The following LARP4B variants were observed in gnomAD, a reference collection of about 807,000 sequenced individuals.
The protein encoded by LARP4B is La ribonucleoprotein 4B, also known as la-related protein 4B.
LARP4B carries 12 observed loss-of-function variants against 89.8 expected under a neutral mutation model. The ratio of observed to expected loss-of-function variants is 0.13; its 90% confidence interval spans 0.09 to 0.22. The LOEUF (loss-of-function observed/expected upper bound fraction) is 0.22, where lower values mean the gene tolerates loss of function less well. Ranked by LOEUF, LARP4B falls within the 10% of genes least tolerant of loss-of-function variation. The pLI is 1.00. For missense variants in LARP4B, 757 were observed against 947.7 expected (o/e 0.80, Z 2.64); for synonymous variants, 367 against 363.3 (o/e 1.01, Z -0.12).
chr10:896,988 A>T (rs1425177278), intron 1 of LARP4B, among the ~76,000 whole-genome samples: 1 of 137,444 alleles, frequency 7.3e-6, no homozygotes, highest in Non-Finnish European at 1.6e-5. Flanking sequence ...TTGTGGGAGA[A>T]TTTTTTTTTT....
At chr10:911,773 C>T (rs1564443074) in intron 1 of LARP4B, among the ~76,000 whole-genome samples, 1 of 152,108 alleles carries the variant, frequency 6.6e-6, no homozygotes, top group Non-Finnish European at 1.5e-5. Context: ...TTTTGCATTG[C>T]GCTGTCCAAT....
rs1831776530 is a variant in LARP4B at position 812,358 on chromosome 10, ACATTC to A, written c.*563_*567del. 6.6e-6 allele frequency: 1 copy of A among 152,536 alleles called. No individual in the cohort carries two copies. Among genetic ancestry groups the A allele is most frequent in the South Asian group, 2.1e-4 (1 of 4,834 alleles). The allele number at this position is 152,536 out of a possible 1,614,324, so 9.4% of individuals were successfully genotyped here. ...GGAGATCAAAAAGGATGCGCTCTCT[ACATTC>A]TTAAATGCCACAGTCCCCTACCAAC... On this transcript the variant is annotated 3_prime_UTR_variant, in exon 18 of 18. Coordinates refer to ENST00000316157, the MANE Select transcript of LARP4B (RefSeq NM_015155.3).
the LARP4B span, among the ~76,000 whole-genome samples, chr10:967,848 G>T: frequency 6.6e-6 from 1 of 152,182 alleles, no homozygotes; most frequent in African/African-American, 2.4e-5. Flanking sequence ...TTACAGGCGT[G>T]TGCCACCATG....
rs529963345 is a variant in LARP4B, at chr10:900,420, C to CTTTTTTTTTTT, written c.-39-14671_-39-14661dup. On this transcript the variant is annotated intron_variant, in intron 1 of 17. Coordinates refer to ENST00000316157, the MANE Select transcript of LARP4B (RefSeq NM_015155.3). ...ATTCTAGGATCGGAAAGAAGGATGTCTTTTTTTTTTTTTTTTTTTTTTTTT... is the reference window on the plus strand; with the variant it reads ...ATTCTAGGATCGGAAAGAAGGATGTCTTTTTTTTTTTTTTTTTTTTTTTTTTTTTTTTTTTT... 5.8e-3 allele frequency among the ~76,000 whole-genome samples: 264 copies of CTTTTTTTTTTT among 45,244 alleles called. 89 individuals carry two copies. Among genetic ancestry groups the CTTTTTTTTTTT allele is most frequent in the African/African-American group, 8.1e-3 (94 of 11,568 alleles). 29.7% of individuals were successfully genotyped at this position (45,244 alleles called of 152,430 possible).
intron 5 of LARP4B, among the ~76,000 whole-genome samples, chr10:863,225 C>CT (rs1564414569): frequency 1.4e-5 from 2 of 146,670 alleles, no homozygotes. Context: ...AAATAGGTTT[C>CT]ATTTTTTTTT....
chr10:827,103 G>A (rs1249923600), intron 11 of LARP4B, among the ~76,000 whole-genome samples: 8 of 152,052 alleles, frequency 5.3e-5, no homozygotes, highest in East Asian at 1.9e-4. Flanking sequence ...GTGAAACCCC[G>A]TCTCTACTAA....
chr10:910,271 G>C (rs1384821308), intron 1 of LARP4B, among the ~76,000 whole-genome samples: 1 of 152,176 alleles, frequency 6.6e-6, no homozygotes, highest in Non-Finnish European at 1.5e-5. Flanking sequence ...TATACTCAGA[G>C]CAACCTGAAT....
intron 1 of LARP4B, among the ~76,000 whole-genome samples, chr10:924,810 T>A (rs138098005): frequency 5.3e-5 from 8 of 152,376 alleles, no homozygotes; most frequent in African/African-American, 1.7e-4. Context: ...ATTGTCCACC[T>A]GTCTCAATGG....
the LARP4B span, among the ~76,000 whole-genome samples, chr10:977,817 T>C: frequency 6.6e-6 from 1 of 152,148 alleles, no homozygotes; most frequent in African/African-American, 2.4e-5. Flanking sequence ...GATTTGGGTG[T>C]CCACAGGGAT....
At chr10:902,130 T>C (rs1337904054) in intron 1 of LARP4B, among the ~76,000 whole-genome samples, 1 of 152,178 alleles carries the variant, frequency 6.6e-6, no homozygotes, top group African/African-American at 2.4e-5. Context: ...GGATTCTTAC[T>C]AAAACATAAT....
the LARP4B span, among the ~76,000 whole-genome samples, chr10:938,401 A>C: frequency 1.4e-4 from 21 of 151,900 alleles, no homozygotes; most frequent in African/African-American, 4.1e-4. Flanking sequence ...CAGGTGCCCA[A>C]CACCACGCCC....
chr10:857,579 C>T (rs913581917), intron 5 of LARP4B, among the ~76,000 whole-genome samples: 1 of 152,162 alleles, frequency 6.6e-6, no homozygotes, highest in South Asian at 2.1e-4. Context: ...CGGATCAGGT[C>T]GGGTGGCCGG....
intron 1 of LARP4B, among the ~76,000 whole-genome samples, chr10:919,018 T>C (rs547677873): frequency 6.6e-6 from 1 of 151,356 alleles, no homozygotes; most frequent in African/African-American, 2.4e-5. Flanking sequence ...GAGGCGGAGT[T>C]TGCAGTGAGC....
chr10:901,170 C>T (rs1836334272), intron 1 of LARP4B, among the ~76,000 whole-genome samples: 1 of 152,124 alleles, frequency 6.6e-6, no homozygotes, highest in African/African-American at 2.4e-5. Context: ...CCGCCTCGGC[C>T]TCCCAAAGTG....
chr10:908,027 G>A (rs764586452), intron 1 of LARP4B, among the ~76,000 whole-genome samples: 11 of 152,214 alleles, frequency 7.2e-5, no homozygotes, highest in Non-Finnish European at 1.5e-4. Context: ...CCAACATGGT[G>A]AAACCCCATC....
At chr10:909,122 G>A (rs528158500) in intron 1 of LARP4B, among the ~76,000 whole-genome samples, 34 of 151,918 alleles carry the variant, frequency 2.2e-4, no homozygotes, top group East Asian at 9.7e-4. Flanking sequence ...GTGAAACCCC[G>A]TCTCTACTAA....
chr10:854,895 T>G (rs1037067267), intron 5 of LARP4B, among the ~76,000 whole-genome samples: 1 of 152,244 alleles, frequency 6.6e-6, no homozygotes, highest in Admixed American at 6.5e-5. Flanking sequence ...TTGTCTCGAT[T>G]GAAAATCTGT....
upstream of LARP4B, among the ~76,000 whole-genome samples, chr10:936,615 C>T (rs1256570648): frequency 3.9e-5 from 6 of 152,124 alleles, no homozygotes; most frequent in Admixed American, 2.0e-4. Flanking sequence ...CCCAGCTACT[C>T]GTGAGGCTGA....
intron 1 of LARP4B, among the ~76,000 whole-genome samples, chr10:923,948 C>G (rs961452409): frequency 6.6e-6 from 1 of 152,286 alleles, no homozygotes; most frequent in Admixed American, 6.5e-5. Context: ...ATTTTATAAA[C>G]AAATTTTAAA....
Sources: gnomAD v4.1 joint callset for allele counts (sites outside exome capture counted in the v4.1 genomes callset) on GRCh38, gnomAD v4.1.1 for gene constraint, MANE v1.5 for transcripts, NCBI Gene and HGNC (gene_info 2026-07-23, HGNC 2026-07-21) for gene names.